The following PRKG1 variants were observed in gnomAD, a reference collection of about 807,000 sequenced individuals.
PRKG1 encodes protein kinase cGMP-dependent 1.
A neutral mutation model predicts 88.1 loss-of-function variants in PRKG1; 35 were observed. The ratio of observed to expected loss-of-function variants is 0.40; its 90% CI spans 0.30 to 0.53. The LOEUF (loss-of-function observed/expected upper bound fraction) is 0.53, where lower values mean the gene tolerates loss of function less well. PRKG1 is among the 20% of genes least tolerant of loss of function. The pLI, the probability that PRKG1 is intolerant of heterozygous loss-of-function variation, is 0.59. For missense variants in PRKG1, 540 were observed against 839.8 expected (o/e 0.64, Z 4.41); for synonymous variants, 303 against 292.5 (o/e 1.04, Z -0.37).
intron 2 of PRKG1, among the ~76,000 whole-genome samples, chr10:51,157,976 T>C (rs1846256690): frequency 6.6e-6 from 1 of 151,940 alleles, no homozygotes; most frequent in South Asian, 2.1e-4. Flanking sequence ...GTAATTGGCA[T>C]ATCCATCATC....
At chr10:52,033,236 A>G (rs1008837902) in intron 5 of PRKG1, among the ~76,000 whole-genome samples, 1 of 152,172 alleles carries the variant, frequency 6.6e-6, no homozygotes, top group Non-Finnish European at 1.5e-5. Context: ...AAACACTTTA[A>G]TGAGAAGATT....
intron 2 of PRKG1, among the ~76,000 whole-genome samples, chr10:51,174,869 C>A (rs1280468073): frequency 6.6e-6 from 1 of 152,006 alleles, no homozygotes; most frequent in Non-Finnish European, 1.5e-5. Flanking sequence ...GCAACTGACT[C>A]AGAAGCTGCA....
chr10:51,693,494 C>G (rs1471292212), intron 3 of PRKG1, among the ~76,000 whole-genome samples: 1 of 151,934 alleles, frequency 6.6e-6, no homozygotes. Context: ...CTCCACCTCC[C>G]AGGTTCAAGT....
intron 5 of PRKG1, among the ~76,000 whole-genome samples, chr10:52,052,162 T>A (rs1846002870): frequency 6.6e-6 from 1 of 152,188 alleles, no homozygotes; most frequent in Admixed American, 6.6e-5. Context: ...GTCTTGTGGC[T>A]ACCATATTAG....
At chr10:52,194,535 A>C (rs963268632) in intron 9 of PRKG1, among the ~76,000 whole-genome samples, 5 of 152,182 alleles carry the variant, frequency 3.3e-5, no homozygotes, top group African/African-American at 1.2e-4. Flanking sequence ...AGAAAATTAA[A>C]TACATATTCA....
chr10:52,080,271 TG>T (rs894631583), intron 7 of PRKG1, among the ~76,000 whole-genome samples: 2 of 152,204 alleles, frequency 1.3e-5, no homozygotes, highest in African/African-American at 4.8e-5. Context: ...TCATCCTTCT[TG>T]ATTTAGTTTG....
At chr10:51,138,106 G>A (rs917300665) in intron 1 of PRKG1, among the ~76,000 whole-genome samples, 3 of 152,114 alleles carry the variant, frequency 2.0e-5, no homozygotes, top group African/African-American at 7.2e-5. Context: ...AGAATGTAAG[G>A]TATCTAAGAA....
chr10:51,375,743 A>C (rs1280301628), intron 2 of PRKG1, among the ~76,000 whole-genome samples: 3 of 140,210 alleles, frequency 2.1e-5, no homozygotes, highest in Non-Finnish European at 4.6e-5. Flanking sequence ...ATATAATATG[A>C]GTGTTGGTGG....
chr10:52,110,340 T>C (rs1482714804), intron 7 of PRKG1, among the ~76,000 whole-genome samples: 1 of 151,724 alleles, frequency 6.6e-6, no homozygotes, highest in South Asian at 2.1e-4. Flanking sequence ...TCAGAAAAAA[T>C]AAGAAATAAA....
chr10:51,645,618 A>G (rs1457307210), intron 3 of PRKG1, among the ~76,000 whole-genome samples: 1 of 152,210 alleles, frequency 6.6e-6, no homozygotes, highest in Non-Finnish European at 1.5e-5. Context: ...CATGATGTTC[A>G]TGCAAAAACC....
intron 1 of PRKG1, among the ~76,000 whole-genome samples, chr10:51,032,305 C>A (rs1450171549): frequency 6.6e-6 from 1 of 152,062 alleles, no homozygotes; most frequent in Admixed American, 6.6e-5. Context: ...CCAATTTTAA[C>A]CCCCAAAGGT....
intron 3 of PRKG1, among the ~76,000 whole-genome samples, chr10:51,631,035 A>G (rs1839512223): frequency 1.3e-5 from 2 of 152,218 alleles, no homozygotes; most frequent in African/African-American, 2.4e-5. Flanking sequence ...TGAAGGCTTC[A>G]TGGCTTCTTC....
chr10:51,151,540 G>A (rs556295613), intron 1 of PRKG1, among the ~76,000 whole-genome samples: 1 of 149,006 alleles, frequency 6.7e-6, no homozygotes, highest in Non-Finnish European at 1.5e-5. Context: ...CCAAATATAT[G>A]TCTCTTCAAA....
At chr10:51,175,550 A>C (rs181682081) in intron 2 of PRKG1, among the ~76,000 whole-genome samples, 1 of 152,090 alleles carries the variant, frequency 6.6e-6, no homozygotes, top group African/African-American at 2.4e-5. Flanking sequence ...AGATAAAAAC[A>C]TAAAACCTCA....
intron 5 of PRKG1, among the ~76,000 whole-genome samples, chr10:51,962,308 A>G (rs1843466614): frequency 6.6e-6 from 1 of 152,156 alleles, no homozygotes; most frequent in Non-Finnish European, 1.5e-5. Flanking sequence ...GCAGCTGTAC[A>G]GCCTTGATTC....
intron 2 of PRKG1, among the ~76,000 whole-genome samples, chr10:51,441,014 A>G (rs7098467): frequency 0.035 from 5,348 of 152,116 alleles, 296 homozygotes; most frequent in African/African-American, 0.12. Flanking sequence ...AGAGATAAAC[A>G]TGGGACAAAT....
chr10:51,675,176 A>G (rs887154132), intron 3 of PRKG1, among the ~76,000 whole-genome samples: 2 of 152,226 alleles, frequency 1.3e-5, no homozygotes, highest in Non-Finnish European at 2.9e-5. Flanking sequence ...ATTAGATAGC[A>G]TATGAAATAT....
intron 3 of PRKG1, among the ~76,000 whole-genome samples, chr10:51,723,625 A>C (rs551256871): frequency 8.6e-5 from 13 of 151,974 alleles, no homozygotes; most frequent in African/African-American, 3.1e-4. Flanking sequence ...GACAAAAAAA[A>C]AGAAAAAGTT....
intron 3 of PRKG1, among the ~76,000 whole-genome samples, chr10:51,779,502 A>AT (rs1838530097): frequency 1.3e-5 from 2 of 152,134 alleles, no homozygotes; most frequent in Non-Finnish European, 2.9e-5. Flanking sequence ...AAAGATTATT[A>AT]TTTTTTTCAT....
Sources: gnomAD v4.1 joint callset for allele counts (sites outside exome capture counted in the v4.1 genomes callset) on GRCh38, gnomAD v4.1.1 for gene constraint, MANE v1.5 for transcripts, NCBI Gene and HGNC (gene_info 2026-07-23, HGNC 2026-07-21) for gene names.